Variants in ZCCHC18 observed in about 807,000 individuals in gnomAD.
ZCCHC18 encodes zinc finger CCHC domain-containing protein 18.
For missense variants in ZCCHC18, 292 were observed against 305.1 expected (o/e 0.96, Z 0.32); for synonymous variants, 112 against 115.7 (o/e 0.97, Z 0.21).
Position 104,114,482 on chromosome X carries a change from CTGAAAGCAGTG to C in ZCCHC18, c.375_385del (p.Glu125AspfsTer5). On this transcript the variant is annotated frameshift_variant, in exon 3 of 3. Coordinates refer to ENST00000650639, the MANE Select transcript of ZCCHC18 (RefSeq NM_001143978.3). LOFTEE classifies it low-confidence loss of function (END_TRUNC). ...GCAATGAAATTGGTGTTTGGGGAGT[CTGAAAGCAGTG>C]TGACTGCCCATGGTAAATTTTTTAA... The C allele has an allele frequency of 8.3e-7, 1 of 1,211,730 alleles. No individual in the cohort carries two copies. Among genetic ancestry groups the C allele is most frequent in the Non-Finnish European group, 1.1e-6 (1 of 895,583 alleles).
chrX:104,114,454 C>A lies in ZCCHC18; in HGVS notation c.343C>A (p.Arg115=), dbSNP rs782648857. The change falls in exon 3 of 3, where the codon CGG becomes AGG. Residue 115 remains arginine, a synonymous_variant. Coordinates refer to ENST00000650639, the MANE Select transcript of ZCCHC18 (RefSeq NM_001143978.3). ...CAACCTAAGTGTAGCAGATTTCTTG[C>A]GGGCAATGAAATTGGTGTTTGGGGA... The part of the protein sequence containing the change: ...NPNLSVADFL[R]AMKLVFGESE... The A allele has an allele frequency of 8.3e-7, 1 of 1,211,613 alleles. No homozygotes were observed. Among genetic ancestry groups the A allele is most frequent in the East Asian group, 3.0e-5 (1 of 33,839 alleles).
rs1329509733 is a variant in ZCCHC18 at position 104,114,384 on chromosome X, G to C, written c.273G>C (p.Arg91Ser). Residue 91 changes from arginine (R) to serine (S), a missense_variant, in exon 3 of 3, where the codon AGG (arginine) becomes AGC (serine). By Grantham distance (110) the Arg-to-Ser change is moderately radical. Transcript: ENST00000650639. ...TCAAGCGCTTGATGAAAACACTTAG[G>C]GGCCCTGCCCGGGAGGTCATGCGTT... ...EKLKRLMKTL[R>S]GPAREVMRLL... 8.3e-7 allele frequency: 1 copy of C among 1,211,799 alleles called. No individual in the cohort carries two copies. Among genetic ancestry groups the C allele is most frequent in the South Asian group, 1.8e-5 (1 of 57,000 alleles).
At position 104,114,573 on chromosome X, in the gene ZCCHC18, G is replaced by C; in HGVS notation, c.462G>C (p.Val154=). ...CCCTTTATGTGATCCGTTTAGAGGT[G>C]CAGCTCCAGAATGCTATTCAGGCAG... ...KASLYVIRLE[V]QLQNAIQAGI... is the part of the protein sequence containing the mutation. The change falls in exon 3 of 3, where the codon GTG becomes GTC. Residue 154 remains valine (V), a synonymous_variant. Transcript: ENST00000650639. 2 of 1,211,914 alleles carry C rather than the reference G, an allele frequency of 1.7e-6. No individual in the cohort carries two copies.
chrX:104,114,765 G>A lies in ZCCHC18; in HGVS notation c.654G>A (p.Glu218=). 1.7e-6 allele frequency: 2 copies of A among 1,211,959 alleles called. No homozygotes were observed. The change falls in exon 3 of 3, where the codon GAG becomes GAA. Residue 218 remains glutamate, a synonymous_variant. Coordinates refer to ENST00000650639, the MANE Select transcript of ZCCHC18 (RefSeq NM_001143978.3). ...NFLELIKMIR[E]EEDWDDAFIK... Reference sequence around the variant, plus strand: ...TGGAGTTAATCAAGATGATAAGGGAGGAAGAGGATTGGGATGATGCTTTTA... The same window carrying A: ...TGGAGTTAATCAAGATGATAAGGGAAGAAGAGGATTGGGATGATGCTTTTA...
At position 104,114,946 on chromosome X, in the gene ZCCHC18, G is replaced by A. The variant is rs931399867; in HGVS notation, c.835G>A (p.Val279Met). 2.5e-6 allele frequency: 3 copies of A among 1,197,015 alleles called. No individual in the cohort carries two copies. Among genetic ancestry groups the A allele is most frequent in the Non-Finnish European group, 3.4e-6 (3 of 887,753 alleles). The change falls in exon 3 of 3, where the codon GTG becomes ATG. Residue 279 changes from valine (V) to methionine (M), a missense_variant. Transcript: ENST00000650639. ...DDTLDDSDED[V>M]ILVVSLYPSL... Reference sequence around the variant, plus strand: ...TACCCTTGATGACTCTGATGAGGATGTGATCCTGGTGGTGTCTCTGTACCC... The same window carrying A: ...TACCCTTGATGACTCTGATGAGGATATGATCCTGGTGGTGTCTCTGTACCC...
Position 104,114,257 on chromosome X carries a change from C to T in ZCCHC18, c.146C>T (p.Ser49Leu), listed in dbSNP as rs1461817757. Residue 49 changes from serine to leucine, a missense_variant, in exon 3 of 3, where the codon TCA becomes TTA. Ser to Leu is a moderately radical substitution (Grantham distance 145). Coordinates refer to ENST00000650639, the MANE Select transcript of ZCCHC18 (RefSeq NM_001143978.3). ...KMAERNMKLF[S>L]GRVVPAQGKE... is the part of the protein sequence containing the mutation. ...GCAGAGAGAAACATGAAGTTGTTCT[C>T]AGGAAGAGTGGTGCCAGCCCAGGGG... 8.3e-7 allele frequency: 1 copy of T among 1,207,624 alleles called. No homozygotes were observed. The highest frequency in any genetic ancestry group is 1.8e-5 in the African/African-American group (1 of 56,836).
In ZCCHC18 at chrX:104,115,371, G is replaced by A; in HGVS notation, c.*48G>A. The A allele has an allele frequency of 1.9e-6, 2 of 1,059,881 alleles. No homozygotes were observed. Among genetic ancestry groups the A allele is most frequent in the Non-Finnish European group, 2.5e-6 (2 of 800,272 alleles). The allele number at this position is 1,059,881 out of a possible 1,213,427, so 87.3% of individuals were successfully genotyped here. A position where few individuals can be genotyped will look rare whatever the true frequency, so the allele number is the denominator to read the frequency against. On this transcript the variant is annotated 3_prime_UTR_variant, in exon 3 of 3. Coordinates refer to ENST00000650639, the MANE Select transcript of ZCCHC18 (RefSeq NM_001143978.3). ...AGTCCTTGACTGTATTCAGAGTCTG[G>A]TAATGGGAATAACAGGAGAGGGGGG...
Position 104,115,124 on chromosome X carries a change from G to GCC in ZCCHC18, c.1013_1014insCC (p.Arg339LeufsTer38), listed in dbSNP as rs1569461468. On this transcript the variant is annotated frameshift_variant, in exon 3 of 3. Transcript: ENST00000650639. LOFTEE classifies it low-confidence loss of function (END_TRUNC). ...AAGAATGATGGTCCTGGGAATATTC[G>GCC]TAGAGCCAGGAAGCGAAAATACACA... The GCC allele has an allele frequency of 8.3e-7, 1 of 1,204,046 alleles. No individual in the cohort carries two copies. Among genetic ancestry groups the GCC allele is most frequent in the South Asian group, 1.8e-5 (1 of 55,796 alleles).
Position 104,115,321 on chromosome X carries a change from T to C in ZCCHC18, c.1210T>C (p.Ter404GlnextTer17), listed in dbSNP as rs1429532286. The C allele has an allele frequency of 1.7e-6, 2 of 1,157,031 alleles. No homozygotes were observed. The highest frequency in any genetic ancestry group is 2.3e-6 in the Non-Finnish European group (2 of 868,593). Residue 404 changes from the stop codon to glutamine, a stop_lost, in exon 3 of 3, where the codon TAA becomes CAA. Transcript: ENST00000650639. ...ACACAGTGATGCTTCTGAGCCACAG[T>C]AAGGATCTAGTCCAGCCCTAAATGA... ...GEHSDASEPQ* is the reference protein window; with the variant it reads ...GEHSDASEPQQ
In ZCCHC18 at chrX:104,115,012, G is replaced by C; in HGVS notation, c.901G>C (p.Ala301Pro). ...PTGAPPFRGRARPLDQVLVID... is the reference protein window; with the variant it reads ...PTGAPPFRGRPRPLDQVLVID... ...AGGTGCCCCTCCCTTCAGAGGAAGA[G>C]CCAGACCTCTGGATCAAGTGCTGGT... is the stretch of plus-strand genomic sequence containing the variant. Residue 301 changes from alanine (A) to proline (P), a missense_variant, in exon 3 of 3, where the codon GCC (alanine) becomes CCC (proline). Coordinates refer to ENST00000650639, the MANE Select transcript of ZCCHC18 (RefSeq NM_001143978.3). The C allele has an allele frequency of 8.4e-7, 1 of 1,193,925 alleles. No individual in the cohort carries two copies. The highest frequency in any genetic ancestry group is 1.1e-6 in the Non-Finnish European group (1 of 886,208).
At position 104,114,105 on chromosome X, in the gene ZCCHC18, G is replaced by C. The variant is rs781982162; in HGVS notation, c.-7G>C. The C allele has an allele frequency of 3.3e-6, 4 of 1,211,428 alleles. No individual in the cohort carries two copies. The South Asian group carries it at 7.0e-5, about 21-fold the overall frequency. On this transcript the variant is annotated 5_prime_UTR_variant, in exon 3 of 3. Coordinates refer to ENST00000650639, the MANE Select transcript of ZCCHC18 (RefSeq NM_001143978.3). ...TGTTGTATTCAGATACCCTATCGTC[G>C]TCAGTCATGGCTAGCATCACTGCGT...
At position 104,114,669 on chromosome X, in the gene ZCCHC18, G is replaced by A; in HGVS notation, c.558G>A (p.Arg186=). 8.3e-7 allele frequency: 1 copy of A among 1,211,939 alleles called. No individual in the cohort carries two copies. Among genetic ancestry groups the A allele is most frequent in the Non-Finnish European group, 1.1e-6 (1 of 895,524 alleles). Reference sequence around the variant, plus strand: ...TTCTTTTAGGCGCTGAGCTGAATAGGGACCTGCGCTTCAGGCTTAAGCATC... The same window carrying A: ...TTCTTTTAGGCGCTGAGCTGAATAGAGACCTGCGCTTCAGGCTTAAGCATC... ...QQLLLGAELN[R]DLRFRLKHLL... is the part of the protein sequence containing the mutation. Residue 186 remains arginine (R), a synonymous_variant, in exon 3 of 3, where the codon AGG becomes AGA. Coordinates refer to ENST00000650639, the MANE Select transcript of ZCCHC18 (RefSeq NM_001143978.3).
chrX:104,113,997 C>A lies in ZCCHC18; in HGVS notation c.-115C>A, dbSNP rs1400998917. On this transcript the variant is annotated 5_prime_UTR_variant, in exon 3 of 3. It adds an upstream start codon to the 5' untranslated region. Coordinates refer to ENST00000650639, the MANE Select transcript of ZCCHC18 (RefSeq NM_001143978.3). ...TTTTTTACTTTCCTTAGAATCCCTACTGAAATATAAGGCAGGCACAGCCCA... is the reference window on the plus strand; with the variant it reads ...TTTTTTACTTTCCTTAGAATCCCTAATGAAATATAAGGCAGGCACAGCCCA... 11 of 1,120,003 alleles carry A rather than the reference C, an allele frequency of 9.8e-6. No individual in the cohort carries two copies. Among genetic ancestry groups the A allele is most frequent in the Non-Finnish European group, 1.2e-5 (10 of 843,626 alleles). The allele number at this position is 1,120,003 out of a possible 1,213,427, so 92.3% of individuals were successfully genotyped here.
In ZCCHC18 at chrX:104,113,951, C is replaced by G. The variant is rs1843521209; in HGVS notation, c.-161C>G. 5.7e-6 allele frequency: 5 copies of G among 878,932 alleles called. No homozygotes were observed. Among genetic ancestry groups the G allele is most frequent in the Non-Finnish European group, 3.1e-6 (2 of 647,818 alleles). The allele number at this position is 878,932 out of a possible 1,213,427, so 72.4% of individuals were successfully genotyped here. On this transcript the variant is annotated 5_prime_UTR_variant, in exon 3 of 3. Transcript: ENST00000650639. Reference sequence around the variant, plus strand: ...AATGCTACTGCAGACTGCTTCCCCACAGCCCACTATCTTATTAACCTTTTT... The same window carrying G: ...AATGCTACTGCAGACTGCTTCCCCAGAGCCCACTATCTTATTAACCTTTTT...
rs782073514 is a variant in ZCCHC18 at position 104,114,676 on chromosome X, C to T, written c.565C>T (p.Arg189Cys). 8.3e-7 allele frequency: 1 copy of T among 1,210,309 alleles called. No individual in the cohort carries two copies. Among genetic ancestry groups the T allele is most frequent in the African/African-American group, 1.7e-5 (1 of 57,254 alleles). Residue 189 changes from arginine to cysteine, a missense_variant, in exon 3 of 3, where the codon CGC becomes TGC. Physicochemically the swap from Arg to Cys is radical, Grantham distance 180. Coordinates refer to ENST00000650639, the MANE Select transcript of ZCCHC18 (RefSeq NM_001143978.3). ...AGGCGCTGAGCTGAATAGGGACCTGCGCTTCAGGCTTAAGCATCTTCTCAG... is the reference window on the plus strand; with the variant it reads ...AGGCGCTGAGCTGAATAGGGACCTGTGCTTCAGGCTTAAGCATCTTCTCAG... ...LLGAELNRDL[R>C]FRLKHLLRMY...
At position 104,115,781 on chromosome X, in the gene ZCCHC18, A is replaced by G. The variant is rs972358810; in HGVS notation, c.*458A>G. On this transcript the variant is annotated 3_prime_UTR_variant, in exon 3 of 3. Coordinates refer to ENST00000650639, the MANE Select transcript of ZCCHC18 (RefSeq NM_001143978.3). ...ATATAAGTGCTGTTCTATACTGTGT[A>G]TTTTTCACCAAATAATGTATCTCGT... 8.0e-6 allele frequency: 1 copy of G among 125,574 alleles called. No individual in the cohort carries two copies. Among genetic ancestry groups the G allele is most frequent in the Non-Finnish European group, 1.8e-5 (1 of 55,191 alleles). 10.3% of individuals were successfully genotyped at this position (125,574 alleles called of 1,213,427 possible). A position where few individuals can be genotyped will look rare whatever the true frequency, so the allele number is the denominator to read the frequency against.
Position 104,115,389 on chromosome X carries a change from G to C in ZCCHC18, c.*66G>C. On this transcript the variant is annotated 3_prime_UTR_variant, in exon 3 of 3. Coordinates refer to ENST00000650639, the MANE Select transcript of ZCCHC18 (RefSeq NM_001143978.3). ...GAGTCTGGTAATGGGAATAACAGGAGAGGGGGGTGGGTTTCTAACTGCATG... is the reference window on the plus strand; with the variant it reads ...GAGTCTGGTAATGGGAATAACAGGACAGGGGGGTGGGTTTCTAACTGCATG... 9.8e-7 allele frequency: 1 copy of C among 1,021,480 alleles called. No individual in the cohort carries two copies. Among genetic ancestry groups the C allele is most frequent in the Non-Finnish European group, 1.3e-6 (1 of 768,976 alleles). 84.2% of individuals were successfully genotyped at this position (1,021,480 alleles called of 1,213,427 possible). A position where few individuals can be genotyped will look rare whatever the true frequency, so the allele number is the denominator to read the frequency against.
Position 104,112,764 on chromosome X carries a change from G to C in ZCCHC18, c.-968G>C, listed in dbSNP as rs1322944100. On this transcript the variant is annotated 5_prime_UTR_variant, in exon 1 of 3. Coordinates refer to ENST00000650639, the MANE Select transcript of ZCCHC18 (RefSeq NM_001143978.3). ...GGACCGGAAGGCGAAACAGAGCTGT[G>C]GACGCGGGAGCACATGCTGCCCACC... The C allele has an allele frequency of 8.9e-6, 1 of 112,822 alleles. No homozygotes were observed. The highest frequency in any genetic ancestry group is 1.9e-5 in the Non-Finnish European group (1 of 53,304). The allele number at this position is 112,822 out of a possible 1,213,427, so 9.3% of individuals were successfully genotyped here.
Position 104,114,819 on chromosome X carries a change from G to C in ZCCHC18, c.708G>C (p.Glu236Asp). 8.3e-7 allele frequency: 1 copy of C among 1,210,621 alleles called. No homozygotes were observed. The highest frequency in any genetic ancestry group is 1.1e-6 in the Non-Finnish European group (1 of 894,775). Residue 236 changes from glutamate to aspartate, a missense_variant, in exon 3 of 3, where the codon GAG (glutamate) becomes GAC (aspartate). Transcript: ENST00000650639. ...FIKRKRPKRS[E>D]PIMERAASPV... is the part of the protein sequence containing the mutation. ...AACGGAAGCGGCCGAAAAGGTCTGA[G>C]CCAATAATGGAGAGGGCAGCCAGCC...
Sources: allele counts gnomAD v4.1 joint callset, GRCh38; gene constraint gnomAD v4.1.1; transcripts MANE v1.5; gene names NCBI Gene and HGNC (gene_info 2026-07-23, HGNC 2026-07-21).